Variants in NOS1AP observed in about 807,000 individuals in gnomAD.
NOS1AP encodes carboxyl-terminal PDZ ligand of neuronal nitric oxide synthase protein.
NOS1AP carries 21 observed loss-of-function variants against 56.2 expected under a neutral mutation model. The ratio of observed to expected loss-of-function variants is 0.37; its 90% CI spans 0.26 to 0.54. NOS1AP has a LOEUF of 0.54. Among genes scored for constraint, NOS1AP ranks in the 20% least tolerant of loss-of-function variants. The pLI, the probability that NOS1AP is intolerant of heterozygous loss-of-function variation, is 0.84. For missense variants in NOS1AP, 522 were observed against 657.8 expected, an observed-to-expected ratio of 0.79 and a Z score of 2.26; for synonymous variants, 270 against 274.6, an observed-to-expected ratio of 0.98 and a Z score of 0.17.
intron 2 of NOS1AP, among the ~76,000 whole-genome samples, chr1:162,155,249 C>T (rs1342005211): frequency 7.0e-6 from 1 of 142,982 alleles, no homozygotes; most frequent in African/African-American, 2.5e-5. Flanking sequence ...TATACATATA[C>T]ACATACATAT....
intron 1 of NOS1AP, among the ~76,000 whole-genome samples, chr1:162,075,345 C>G (rs1350348993): frequency 1.3e-5 from 2 of 152,228 alleles, no homozygotes; most frequent in Non-Finnish European, 2.9e-5. Context: ...CAGATTGAAG[C>G]TGAATTCTCT....
At chr1:162,108,770 G>A (rs1237896297) in intron 1 of NOS1AP, among the ~76,000 whole-genome samples, 1 of 152,080 alleles carries the variant, frequency 6.6e-6, no homozygotes, top group Non-Finnish European at 1.5e-5. Flanking sequence ...AAAACTATGG[G>A]AGTGCAATCA....
At chr1:162,281,919 G>A (rs533575670) in intron 2 of NOS1AP, among the ~76,000 whole-genome samples, 2 of 152,304 alleles carry the variant, frequency 1.3e-5, no homozygotes, top group African/African-American at 2.4e-5. Flanking sequence ...GGCCAAAATG[G>A]TGAAACCCCG....
intron 1 of NOS1AP, among the ~76,000 whole-genome samples, chr1:162,112,810 T>A (rs914952994): frequency 6.6e-6 from 1 of 152,260 alleles, no homozygotes; most frequent in African/African-American, 2.4e-5. Context: ...GATGTGCATA[T>A]GCCATAGACT....
At chr1:162,202,921 T>A (rs1652042589) in intron 2 of NOS1AP, among the ~76,000 whole-genome samples, 1 of 152,196 alleles carries the variant, frequency 6.6e-6, no homozygotes, top group Non-Finnish European at 1.5e-5. Context: ...AACTGATGCC[T>A]GTAGGTCTGT....
chr1:162,249,512 C>T (rs1367255743), intron 2 of NOS1AP, among the ~76,000 whole-genome samples: 1 of 152,134 alleles, frequency 6.6e-6, no homozygotes, highest in African/African-American at 2.4e-5. Flanking sequence ...AGAATGGTTT[C>T]CAGTGGCTAA....
chr1:162,070,342 G>C (rs996965595), intron 1 of NOS1AP, 60 bp downstream of exon 1: 18 of 1,410,282 alleles, frequency 1.3e-5, no homozygotes, highest in Non-Finnish European at 1.7e-5. Context: ...ATGTTTGAGC[G>C]GATGGGATGC....
intron 6 of NOS1AP, among the ~76,000 whole-genome samples, chr1:162,346,280 C>T (rs554194735): frequency 3.9e-4 from 60 of 152,082 alleles, no homozygotes; most frequent in Non-Finnish European, 6.3e-4. Context: ...GGATCAGAAA[C>T]AGCAAGAGGG....
chr1:162,253,351 T>G (rs1653930481), intron 2 of NOS1AP, among the ~76,000 whole-genome samples: 1 of 152,190 alleles, frequency 6.6e-6, no homozygotes. Flanking sequence ...CTGTTATAGG[T>G]GCAAAATGAA....
chr1:162,349,719 A>G (rs1377995031), intron 6 of NOS1AP, among the ~76,000 whole-genome samples: 3 of 152,226 alleles, frequency 2.0e-5, no homozygotes, highest in Non-Finnish European at 4.4e-5. Context: ...TGCAGACTCC[A>G]GAATACATGA....
At chr1:162,321,785 C>T (rs568702689) in intron 4 of NOS1AP, among the ~76,000 whole-genome samples, 1 of 149,170 alleles carries the variant, frequency 6.7e-6, no homozygotes, top group Non-Finnish European at 1.5e-5. Context: ...AGGCCATTAT[C>T]CTGAGTGAAT....
rs1648585626 is a variant in NOS1AP at position 162,128,429 on chromosome 1, A to G, written c.106-25976A>G. Reference sequence around the variant, plus strand: ...TATTTCAATTCACTCAACAATCTCTATTCTCCTATAGTTCAATTCTAATCA... The same window carrying G: ...TATTTCAATTCACTCAACAATCTCTGTTCTCCTATAGTTCAATTCTAATCA... On this transcript the variant is annotated intron_variant, in intron 1 of 9. Transcript: ENST00000361897. Among the ~76,000 whole-genome samples the G allele has an allele frequency of 2.0e-5, 3 of 152,134 alleles. No homozygotes were observed. In the South Asian group the frequency reaches 6.2e-4, roughly 32 times the overall value.
At chr1:162,097,763 A>G (rs1421511793) in intron 1 of NOS1AP, among the ~76,000 whole-genome samples, 1 of 152,158 alleles carries the variant, frequency 6.6e-6, no homozygotes, top group Non-Finnish European at 1.5e-5. Flanking sequence ...TTATAGCTCT[A>G]TTTTAGTCTT....
intron 8 of NOS1AP, chr1:162,364,824 A>G: frequency 1.0e-6 from 1 of 987,966 alleles, no homozygotes; most frequent in South Asian, 4.7e-5. Context: ...TGCCTCACTA[A>G]TTTAAAAAGC....
chr1:162,184,952 C>T (rs1333219533), intron 2 of NOS1AP, among the ~76,000 whole-genome samples: 1 of 152,214 alleles, frequency 6.6e-6, no homozygotes, highest in Non-Finnish European at 1.5e-5. Flanking sequence ...ATCAGAAGTT[C>T]ACTATGGGTC....
At chr1:162,124,606 T>A (rs1282757356) in intron 1 of NOS1AP, among the ~76,000 whole-genome samples, 1 of 152,018 alleles carries the variant, frequency 6.6e-6, no homozygotes, top group African/African-American at 2.4e-5. Context: ...CACTGCAACC[T>A]CTGCCTCCCA....
At chr1:162,071,139 G>A (rs571551084) in intron 1 of NOS1AP, among the ~76,000 whole-genome samples, 4 of 152,072 alleles carry the variant, frequency 2.6e-5, no homozygotes, top group South Asian at 4.2e-4. Flanking sequence ...CTTTTTCTGT[G>A]GAACAGTGTT....
At chr1:162,253,165 C>T (rs1225778460) in intron 2 of NOS1AP, among the ~76,000 whole-genome samples, 4 of 152,126 alleles carry the variant, frequency 2.6e-5, no homozygotes, top group Admixed American at 6.6e-5. Flanking sequence ...TGTAAAAGGG[C>T]GAGTTTGGCC....
chr1:162,225,017 C>T (rs554973002), intron 2 of NOS1AP, among the ~76,000 whole-genome samples: 1 of 152,188 alleles, frequency 6.6e-6, no homozygotes, highest in Non-Finnish European at 1.5e-5. Flanking sequence ...TCTTGGCAAC[C>T]ATTCTCTTCC....
Sources: allele counts gnomAD v4.1 joint callset (sites outside exome capture counted in the v4.1 genomes callset), GRCh38; gene constraint gnomAD v4.1.1; transcripts MANE v1.5; gene names NCBI Gene and HGNC (gene_info 2026-07-23, HGNC 2026-07-21).